The following GPM6A variants were observed in gnomAD, a reference collection of about 807,000 sequenced individuals.
The protein encoded by GPM6A is neuronal membrane glycoprotein M6-a.
Under a neutral mutation model 32.1 loss-of-function variants are expected in GPM6A, and 7 were observed. The ratio of observed to expected loss-of-function variants is 0.22; its 90% CI spans 0.12 to 0.41. The LOEUF is 0.41. Among genes scored for constraint, GPM6A ranks in the 10% least tolerant of loss-of-function variants. The pLI is 1.00. For missense variants in GPM6A, 235 were observed against 347.2 expected, an observed-to-expected ratio of 0.68 and a Z score of 2.57; for synonymous variants, 130 against 123.4, an observed-to-expected ratio of 1.05 and a Z score of -0.35.
intron 2 of GPM6A, among the ~76,000 whole-genome samples, chr4:175,676,693 C>T (rs935762595): frequency 3.9e-5 from 6 of 152,112 alleles, no homozygotes; most frequent in African/African-American, 1.2e-4. Context: ...CTGCAATGCG[C>T]TACGATCACA....
intron 1 of GPM6A, among the ~76,000 whole-genome samples, chr4:175,725,211 G>T (rs962284260): frequency 3.3e-5 from 5 of 151,748 alleles, no homozygotes; most frequent in Admixed American, 3.3e-4. Flanking sequence ...CACATAATAA[G>T]AGCTAAACAA....
chr4:175,714,172 C>T lies in GPM6A; in HGVS notation c.38-12405G>A, dbSNP rs111998885. ...CTGATACTACAAGATATGCAAGCCACGCAGTATTCTATAAAATCACATTAG... is the reference window on the plus strand; with the variant it reads ...CTGATACTACAAGATATGCAAGCCATGCAGTATTCTATAAAATCACATTAG... On this transcript the variant is annotated intron_variant, in intron 1 of 6. Transcript: ENST00000393658. 4.3e-3 allele frequency among the ~76,000 whole-genome samples: 648 copies of T among 152,066 alleles called. 2 individuals are homozygous for T. Among genetic ancestry groups the T allele is most frequent in the Non-Finnish European group, 7.1e-3 (486 of 68,010 alleles).
At chr4:175,945,926 TATAAC>T (rs1739589748) in intron 1 of GPM6A, among the ~76,000 whole-genome samples, 1 of 151,930 alleles carries the variant, frequency 6.6e-6, no homozygotes, top group Non-Finnish European at 1.5e-5. Flanking sequence ...GCATATTACT[TATAAC>T]TAAGTAATAC....
At chr4:175,668,457 C>T (rs1044199613) in intron 3 of GPM6A, among the ~76,000 whole-genome samples, 5 of 147,896 alleles carry the variant, frequency 3.4e-5, no homozygotes, top group Non-Finnish European at 7.5e-5. Flanking sequence ...TCTTAAGTTT[C>T]TAGAAAGAGG....
chr4:175,807,876 C>G (rs904570915), intron 1 of GPM6A, among the ~76,000 whole-genome samples: 6 of 152,076 alleles, frequency 3.9e-5, no homozygotes, highest in African/African-American at 1.4e-4. Context: ...TGCATTGAGC[C>G]CAGCTCTACT....
chr4:175,671,994 AAAAG>A (rs202122371), intron 3 of GPM6A, among the ~76,000 whole-genome samples: 9 of 147,324 alleles, frequency 6.1e-5, no homozygotes, highest in Non-Finnish European at 1.0e-4. Context: ...GAAAAAAAAA[AAAAG>A]AAAGAAAGAA....
At chr4:175,892,376 T>C (rs568753732) in intron 1 of GPM6A, among the ~76,000 whole-genome samples, 4 of 152,340 alleles carry the variant, frequency 2.6e-5, no homozygotes, top group East Asian at 3.9e-4. Context: ...ATTTGTGCTT[T>C]CTTCTCTCTC....
At chr4:175,937,888 C>A (rs543513104) in intron 1 of GPM6A, among the ~76,000 whole-genome samples, 8 of 152,122 alleles carry the variant, frequency 5.3e-5, no homozygotes, top group Non-Finnish European at 1.2e-4. Flanking sequence ...ACCTAAATTA[C>A]AAGTGCCACT....
At chr4:175,636,297 T>TCC (rs1740605678) in intron 6 of GPM6A, among the ~76,000 whole-genome samples, 1 of 132,100 alleles carries the variant, frequency 7.6e-6, no homozygotes, top group African/African-American at 2.9e-5. Context: ...TATATATATA[T>TCC]ACATATATAT....
chr4:175,871,043 T>C (rs17062188), intron 1 of GPM6A, among the ~76,000 whole-genome samples: 43,894 of 151,728 alleles, frequency 0.29, 6,553 homozygotes, highest in East Asian at 0.36. Flanking sequence ...CTTAATCCCA[T>C]GCCTCCTGCT....
At chr4:175,981,379 A>C (rs1740811183) in intron 1 of GPM6A, among the ~76,000 whole-genome samples, 1 of 152,186 alleles carries the variant, frequency 6.6e-6, no homozygotes, top group Non-Finnish European at 1.5e-5. Context: ...ACAATTTTTC[A>C]TAAATTGTCT....
intron 3 of GPM6A, among the ~76,000 whole-genome samples, chr4:175,663,527 G>T (rs1742553151): frequency 1.3e-5 from 2 of 152,124 alleles, no homozygotes; most frequent in Admixed American, 1.3e-4. Flanking sequence ...TAGGTTTTAA[G>T]TGTTCTCAAT....
intron 1 of GPM6A, among the ~76,000 whole-genome samples, chr4:175,901,843 G>T (rs745514476): frequency 6.6e-5 from 10 of 151,844 alleles, no homozygotes; most frequent in Non-Finnish European, 8.8e-5. Context: ...GGCCAGGCTA[G>T]TCTTGAACCC....
intron 1 of GPM6A, among the ~76,000 whole-genome samples, chr4:175,799,184 A>G (rs773411965): frequency 7.9e-5 from 12 of 152,172 alleles, no homozygotes; most frequent in Non-Finnish European, 1.6e-4. Flanking sequence ...CAGCACTCAC[A>G]ATCTCCCTTT....
intron 1 of GPM6A, among the ~76,000 whole-genome samples, chr4:175,853,807 C>T (rs552252238): frequency 6.6e-6 from 1 of 152,192 alleles, no homozygotes; most frequent in African/African-American, 2.4e-5. Context: ...AAAATAAAAA[C>T]TTTAAGCCTT....
intron 1 of GPM6A, among the ~76,000 whole-genome samples, chr4:175,772,362 G>A (rs1167718272): frequency 2.0e-5 from 3 of 152,166 alleles, no homozygotes; most frequent in Admixed American, 2.0e-4. Context: ...AGTCCTAGGG[G>A]GTTAGGAGGA....
At chr4:175,651,460 T>C (rs1187717258) in intron 4 of GPM6A, among the ~76,000 whole-genome samples, 2 of 152,146 alleles carry the variant, frequency 1.3e-5, no homozygotes, top group East Asian at 1.9e-4. Flanking sequence ...TGATCTTTAT[T>C]GTAGACTTGA....
chr4:175,721,103 A>G lies in GPM6A; in HGVS notation c.38-19336T>C, dbSNP rs547284848. ...AGCTTTTCTAGTATATATTTCTAGT[A>G]TATATATATATTTTCTATTTTTAAA... On this transcript the variant is annotated intron_variant, in intron 1 of 6. Coordinates refer to ENST00000393658, the MANE Select transcript of GPM6A (RefSeq NM_201591.3). 2.0e-3 allele frequency among the ~76,000 whole-genome samples: 287 copies of G among 144,308 alleles called. 1 individual carries two copies. Among genetic ancestry groups the G allele is most frequent in the African/African-American group, 4.2e-3 (168 of 40,086 alleles). 94.7% of individuals were successfully genotyped at this position (144,308 alleles called of 152,430 possible). A position where few individuals can be genotyped will look rare whatever the true frequency, so the allele number is the denominator to read the frequency against.
intron 1 of GPM6A, among the ~76,000 whole-genome samples, chr4:175,731,439 G>A (rs1731426138): frequency 6.6e-6 from 1 of 151,864 alleles, no homozygotes; most frequent in African/African-American, 2.4e-5. Flanking sequence ...TCATTCCACC[G>A]AGAATCTGAC....
Sources: gnomAD v4.1 joint callset for allele counts (sites outside exome capture counted in the v4.1 genomes callset) on GRCh38, gnomAD v4.1.1 for gene constraint, MANE v1.5 for transcripts, NCBI Gene and HGNC (gene_info 2026-07-23, HGNC 2026-07-21) for gene names.